KLF12: variants seen among roughly 807,000 people sequenced by gnomAD.
The protein encoded by KLF12 is KLF transcription factor 12.
A neutral mutation model predicts 37.8 loss-of-function variants in KLF12; 9 were observed. The ratio of observed to expected loss-of-function variants is 0.24; its 90% confidence interval spans 0.14 to 0.42. The LOEUF (loss-of-function observed/expected upper bound fraction) is 0.42. KLF12 is among the 10% of genes least tolerant of loss of function. The pLI is 1.00. For missense variants in KLF12, 411 were observed against 516.0 expected, an observed-to-expected ratio of 0.80 and a Z score of 1.97; for synonymous variants, 208 against 202.1, an observed-to-expected ratio of 1.03 and a Z score of -0.25.
At chr13:73,814,755 G>C (rs996050200) in intron 4 of KLF12, among the ~76,000 whole-genome samples, 5 of 152,006 alleles carry the variant, frequency 3.3e-5, no homozygotes, top group African/African-American at 4.8e-5. Context: ...GTCACAACTT[G>C]GGGCGGGGGA....
At chr13:74,295,092 C>T in the KLF12 span, among the ~76,000 whole-genome samples, 1 of 152,176 alleles carries the variant, frequency 6.6e-6, no homozygotes, top group Admixed American at 6.5e-5. Flanking sequence ...GAGAGGCACA[C>T]TTTCCTTATC....
At chr13:74,116,074 T>A (rs573923312) in intron 1 of KLF12, among the ~76,000 whole-genome samples, 2 of 152,264 alleles carry the variant, frequency 1.3e-5, no homozygotes, top group African/African-American at 4.8e-5. Flanking sequence ...CCACATGAAA[T>A]AAACTTATAG....
chr13:73,942,646 T>C (rs1381175762), intron 3 of KLF12, among the ~76,000 whole-genome samples: 1 of 152,218 alleles, frequency 6.6e-6, no homozygotes, highest in Non-Finnish European at 1.5e-5. Flanking sequence ...TGTTAGTAAT[T>C]GCCACGGTCT....
chr13:73,711,395 G>A (rs1875387590), intron 7 of KLF12, among the ~76,000 whole-genome samples: 1 of 152,192 alleles, frequency 6.6e-6, no homozygotes, highest in African/African-American at 2.4e-5. Flanking sequence ...TAGCTTTAAA[G>A]CTTCAAAGGA....
At chr13:73,697,501 A>T (rs1874233333) in intron 7 of KLF12, among the ~76,000 whole-genome samples, 1 of 152,238 alleles carries the variant, frequency 6.6e-6, no homozygotes, top group Admixed American at 6.5e-5. Flanking sequence ...AAATGAAACA[A>T]AAATCAGCAA....
At chr13:73,867,258 T>C (rs1488800535) in intron 3 of KLF12, among the ~76,000 whole-genome samples, 3 of 151,032 alleles carry the variant, frequency 2.0e-5, no homozygotes, top group East Asian at 3.9e-4. Flanking sequence ...ACTAGGCAAA[T>C]ACAAAGCAAA....
At chr13:73,950,392 A>C (rs1890599960) in intron 2 of KLF12, among the ~76,000 whole-genome samples, 1 of 152,194 alleles carries the variant, frequency 6.6e-6, no homozygotes, top group African/African-American at 2.4e-5. Flanking sequence ...TCCTTTGTTC[A>C]TTGGGCAGAG....
At chr13:73,826,118 G>A (rs9565047) in intron 4 of KLF12, among the ~76,000 whole-genome samples, 37,732 of 151,526 alleles carry the variant, frequency 0.25, 4,848 homozygotes, top group East Asian at 0.49. Flanking sequence ...GACTACAGGC[G>A]CCCGCCACCA....
chr13:73,929,193 T>C (rs989895064), intron 3 of KLF12, among the ~76,000 whole-genome samples: 3 of 152,194 alleles, frequency 2.0e-5, no homozygotes, highest in Non-Finnish European at 2.9e-5. Flanking sequence ...TGGAAATGCT[T>C]TCTGGAAGAG....
chr13:74,267,254 C>A, the KLF12 span, among the ~76,000 whole-genome samples: 1 of 152,140 alleles, frequency 6.6e-6, no homozygotes, highest in Non-Finnish European at 1.5e-5. Context: ...GAATTTGAGA[C>A]AAGATCACCT....
chr13:73,906,507 T>C (rs181990496), intron 3 of KLF12, among the ~76,000 whole-genome samples: 1 of 152,376 alleles, frequency 6.6e-6, no homozygotes, highest in East Asian at 1.9e-4. Flanking sequence ...AGGTTCCATG[T>C]GGTTCTTGTT....
intron 1 of KLF12, among the ~76,000 whole-genome samples, chr13:74,078,873 G>A (rs1398156766): frequency 6.6e-6 from 1 of 152,126 alleles, no homozygotes. Flanking sequence ...CTGGAAATGA[G>A]TTCCTAGAGA....
the KLF12 span, among the ~76,000 whole-genome samples, chr13:74,222,819 G>T: frequency 1.3e-5 from 2 of 152,150 alleles, no homozygotes; most frequent in Non-Finnish European, 2.9e-5. Flanking sequence ...TATTTCATGA[G>T]AAGTGATCAA....
intron 3 of KLF12, among the ~76,000 whole-genome samples, chr13:73,927,145 G>C (rs546940584): frequency 3.3e-5 from 5 of 152,194 alleles, no homozygotes; most frequent in African/African-American, 1.2e-4. Flanking sequence ...TAGAACAGTT[G>C]AACAGGCTTG....
At chr13:73,952,041 C>CA (rs1890666827) in intron 2 of KLF12, among the ~76,000 whole-genome samples, 1 of 152,112 alleles carries the variant, frequency 6.6e-6, no homozygotes, top group Admixed American at 6.5e-5. Flanking sequence ...TGAGCATAGG[C>CA]AAAATCTTAA....
At chr13:74,104,552 T>C (rs377750638) in intron 1 of KLF12, among the ~76,000 whole-genome samples, 1 of 152,234 alleles carries the variant, frequency 6.6e-6, no homozygotes, top group African/African-American at 2.4e-5. Context: ...TCAGCTTTCT[T>C]ATTTTCTGTT....
intron 3 of KLF12, among the ~76,000 whole-genome samples, chr13:73,868,183 G>A (rs540785110): frequency 1.3e-5 from 2 of 151,290 alleles, no homozygotes; most frequent in East Asian, 4.0e-4. Context: ...ATGGTGGCAT[G>A]TGCCTGTAAT....
chr13:73,985,665 CAGCT>C (rs1476359834), intron 2 of KLF12, among the ~76,000 whole-genome samples: 1 of 152,138 alleles, frequency 6.6e-6, no homozygotes, highest in Admixed American at 6.6e-5. Flanking sequence ...CCCTAGATGC[CAGCT>C]ATTAGCACTC....
chr13:73,988,719 C>G (rs17061870), intron 2 of KLF12, among the ~76,000 whole-genome samples: 5,526 of 152,284 alleles, frequency 0.036, 206 homozygotes, highest in African/African-American at 0.095. Flanking sequence ...TCCCAGCATG[C>G]TCTTCAGTCA....
Sources: allele counts gnomAD v4.1 joint callset (sites outside exome capture counted in the v4.1 genomes callset), GRCh38; gene constraint gnomAD v4.1.1; transcripts MANE v1.5; gene names NCBI Gene and HGNC (gene_info 2026-07-23, HGNC 2026-07-21).